The following CATSPERB variants were observed in gnomAD, a reference collection of about 807,000 sequenced individuals.
The protein encoded by CATSPERB is catsper channel auxiliary subunit beta.
In CATSPERB, 93 loss-of-function variants were observed where a neutral mutation model predicts 128.3. The ratio of observed to expected loss-of-function variants is 0.72; its 90% CI spans 0.61 to 0.86. The LOEUF (loss-of-function observed/expected upper bound fraction) is 0.86. CATSPERB is among the 40% of genes least tolerant of loss of function. The pLI is 0.00. For missense variants in CATSPERB, 1,153 were observed against 1,329.5 expected, an observed-to-expected ratio of 0.87 and a Z score of 2.06; for synonymous variants, 381 against 448.8, an observed-to-expected ratio of 0.85 and a Z score of 1.91.
chr14:91,618,902 T>G (rs1279267355), intron 19 of CATSPERB, among the ~76,000 whole-genome samples: 1 of 152,208 alleles, frequency 6.6e-6, no homozygotes, highest in Non-Finnish European at 1.5e-5. Flanking sequence ...AGGCCTGAGA[T>G]TCTGCATTTC....
At position 91,673,666 on chromosome 14, in the gene CATSPERB, C is replaced by T. The variant is rs574195616; in HGVS notation, c.978+510G>A. The stretch of plus-strand genomic sequence containing the variant: ...TTGGGAGGCCAAGGGGGGTGGGTCA[C>T]GAGGTCAAGAGATCAAGACCATCCT... On this transcript the variant is annotated intron_variant, in intron 12 of 26. Transcript: ENST00000256343. Among the ~76,000 whole-genome samples the T allele has an allele frequency of 4.6e-5, 7 of 152,208 alleles. No homozygotes were observed. The South Asian group carries it at 6.2e-4, about 14-fold the overall frequency.
chr14:91,597,652 G>A (rs1255331515), intron 22 of CATSPERB, among the ~76,000 whole-genome samples: 2 of 152,088 alleles, frequency 1.3e-5, no homozygotes, highest in Non-Finnish European at 2.9e-5. Flanking sequence ...AATCTCATGT[G>A]CCCACCTCTT....
At chr14:91,669,705 T>C in intron 14 of CATSPERB, 109 bp downstream of exon 14, 2 of 1,044,168 alleles carry the variant, frequency 1.9e-6, no homozygotes, top group Non-Finnish European at 2.7e-6. Flanking sequence ...TCCCTCCCAC[T>C]GCCATCTCTA....
intron 6 of CATSPERB, among the ~76,000 whole-genome samples, chr14:91,705,468 G>A (rs1895719221): frequency 6.6e-6 from 1 of 152,046 alleles, no homozygotes; most frequent in African/African-American, 2.4e-5. Flanking sequence ...AATCAGAGGT[G>A]AAGCATCTCC....
chr14:91,683,877 C>T lies in CATSPERB; in HGVS notation c.931G>A (p.Val311Ile). ...CAGTATATCTTTAACCAAAATTTAC[C>T]TTCAAAGTGCTCTCTGTTAGCAAAA... ...RCFANREHFE[V>I]DYVTVTFERN... The change falls in exon 11 of 27, where the codon GTT (valine) becomes ATT (isoleucine). Residue 311 changes from valine (V) to isoleucine (I), a missense_variant and splice_region_variant. By Grantham distance (29) the Val-to-Ile change is conservative. Coordinates refer to ENST00000256343, the MANE Select transcript of CATSPERB (RefSeq NM_024764.4). 6.3e-7 allele frequency: 1 copy of T among 1,598,750 alleles called. No homozygotes were observed. Among genetic ancestry groups the T allele is most frequent in the Non-Finnish European group, 8.5e-7 (1 of 1,172,114 alleles).
chr14:91,624,689 C>T (rs1395128800), intron 18 of CATSPERB, 131 bp downstream of exon 18: 1 of 559,814 alleles, frequency 1.8e-6, no homozygotes, highest in African/African-American at 2.0e-5. Flanking sequence ...TATATGTAAA[C>T]TTTGGTAGGT....
At chr14:91,701,821 G>C (rs538130099) in intron 7 of CATSPERB, among the ~76,000 whole-genome samples, 1 of 151,834 alleles carries the variant, frequency 6.6e-6, no homozygotes, top group African/African-American at 2.4e-5. Context: ...TAAGGTAGGA[G>C]GATTGCTTGA....
chr14:91,613,192 T>C (rs1893867874), intron 20 of CATSPERB, among the ~76,000 whole-genome samples: 1 of 152,198 alleles, frequency 6.6e-6, no homozygotes, highest in African/African-American at 2.4e-5. Flanking sequence ...ATGCCTGATG[T>C]TTGTTTTAAA....
intron 17 of CATSPERB, among the ~76,000 whole-genome samples, chr14:91,633,369 A>C (rs1029571059): frequency 4.6e-5 from 7 of 152,262 alleles, no homozygotes; most frequent in African/African-American, 1.7e-4. Context: ...AATTTCAAAA[A>C]ACAAATTTTC....
chr14:91,698,882 A>C (rs1425297630), intron 7 of CATSPERB, among the ~76,000 whole-genome samples: 1 of 152,072 alleles, frequency 6.6e-6, no homozygotes, highest in Non-Finnish European at 1.5e-5. Context: ...GAGTCTCCAA[A>C]GTCCATTACA....
intron 26 of CATSPERB, among the ~76,000 whole-genome samples, chr14:91,583,495 T>C (rs1893244686): frequency 6.6e-6 from 1 of 152,198 alleles, no homozygotes; most frequent in Non-Finnish European, 1.5e-5. Context: ...CACCTCTGAA[T>C]TCTGTATTCT....
chr14:91,712,527 A>G (rs981897326), intron 5 of CATSPERB, among the ~76,000 whole-genome samples: 2 of 152,210 alleles, frequency 1.3e-5, no homozygotes, highest in African/African-American at 4.8e-5. Flanking sequence ...AGCATCCTCT[A>G]CCACTTGCAG....
In CATSPERB at chr14:91,729,498, A is replaced by C; in HGVS notation, c.1-19T>G. The C allele has an allele frequency of 7.5e-7, 1 of 1,333,042 alleles. No individual in the cohort carries two copies. Among genetic ancestry groups the C allele is most frequent in the East Asian group, 2.3e-5 (1 of 43,150 alleles). The allele number at this position is 1,333,042 out of a possible 1,614,324, so 82.6% of individuals were successfully genotyped here. A position where few individuals can be genotyped will look rare whatever the true frequency, so the allele number is the denominator to read the frequency against. On this transcript the variant is annotated intron_variant, in intron 1 of 26. Coordinates refer to ENST00000256343, the MANE Select transcript of CATSPERB (RefSeq NM_024764.4). ...ATTCCATCTGTTGGAATAAATAAGAATTATTTTCACTCAATTTCTGAACAT... is the reference window on the plus strand; with the variant it reads ...ATTCCATCTGTTGGAATAAATAAGACTTATTTTCACTCAATTTCTGAACAT...
At chr14:91,605,450 G>C in intron 22 of CATSPERB, 2 of 458,110 alleles carry the variant, frequency 4.4e-6, no homozygotes, top group Non-Finnish European at 7.7e-6. Flanking sequence ...CAAGAGGTTG[G>C]GATGAAGTGA....
At chr14:91,607,285 G>A (rs550503066) in intron 22 of CATSPERB, among the ~76,000 whole-genome samples, 2 of 152,210 alleles carry the variant, frequency 1.3e-5, no homozygotes, top group Admixed American at 1.3e-4. Flanking sequence ...CGTAGTAAGC[G>A]ATATGGAGAA....
At chr14:91,706,646 ACT>A (rs1316932937) in intron 6 of CATSPERB, among the ~76,000 whole-genome samples, 1 of 151,948 alleles carries the variant, frequency 6.6e-6, no homozygotes, top group Non-Finnish European at 1.5e-5. Flanking sequence ...AAGGTTTTAC[ACT>A]CTCTTTTGAG....
At chr14:91,678,445 G>A (rs903523818) in intron 11 of CATSPERB, among the ~76,000 whole-genome samples, 2 of 152,042 alleles carry the variant, frequency 1.3e-5, no homozygotes, top group African/African-American at 4.8e-5. Flanking sequence ...TAAGGTAAAA[G>A]CTATTGGATA....
Position 91,601,297 on chromosome 14 carries a change from T to C in CATSPERB, c.2709+6997A>G, listed in dbSNP as rs576418818. The stretch of plus-strand genomic sequence containing the variant: ...TATGTTGCAAAATGGCACAAGACAA[T>C]ACACTTTTTCTCTAATTTTCCACAG... On this transcript the variant is annotated intron_variant, in intron 22 of 26. Coordinates refer to ENST00000256343, the MANE Select transcript of CATSPERB (RefSeq NM_024764.4). Among the ~76,000 whole-genome samples the C allele has an allele frequency of 8.5e-5, 13 of 152,324 alleles. No homozygotes were observed. The South Asian group carries it at 2.7e-3, about 32-fold the overall frequency.
chr14:91,619,834 T>C (rs1369746469), intron 19 of CATSPERB, among the ~76,000 whole-genome samples: 1 of 150,382 alleles, frequency 6.6e-6, no homozygotes, highest in African/African-American at 2.4e-5. Flanking sequence ...GAGAGTAAAT[T>C]TAAAATATAT....
Sources: allele counts gnomAD v4.1 joint callset (sites outside exome capture counted in the v4.1 genomes callset), GRCh38; gene constraint gnomAD v4.1.1; transcripts MANE v1.5; gene names NCBI Gene and HGNC (gene_info 2026-07-23, HGNC 2026-07-21).